ACADSB: variants seen among roughly 807,000 people sequenced by gnomAD.
ACADSB encodes the protein short/branched chain specific acyl-CoA dehydrogenase, mitochondrial.
ACADSB carries 40 observed loss-of-function variants against 54.1 expected under a neutral mutation model. That is an observed-to-expected ratio of 0.74 (90% CI 0.57 to 0.96). The LOEUF (loss-of-function observed/expected upper bound fraction) is 0.96. Ranked by LOEUF, ACADSB falls within the 40% of genes least tolerant of loss-of-function variation. The pLI, the probability that ACADSB is intolerant of heterozygous loss-of-function variation, is 0.00. For missense variants in ACADSB, 530 were observed against 510.4 expected, an observed-to-expected ratio of 1.04 and a Z score of -0.37; for synonymous variants, 182 against 182.8, an observed-to-expected ratio of 1.00 and a Z score of 0.03.
chr10:123,009,115 T>G (rs1307037605), intron 1 of ACADSB, 44 bp downstream of exon 1: 1 of 1,537,732 alleles, frequency 6.5e-7, no homozygotes, highest in Non-Finnish European at 8.7e-7. Flanking sequence ...CAGGGCGACC[T>G]TGGCCCCTGG....
rs997072618 is a variant in ACADSB, at chr10:123,050,070, G to A, written c.991-979G>A. On this transcript the variant is annotated intron_variant, in intron 8 of 10. Transcript: ENST00000358776. ...CGTCTCTTTTTGTACATACGAAATT[G>A]TTGTGTGTATCACATATTTCAGAAA... Among the ~76,000 whole-genome samples the A allele has an allele frequency of 1.7e-4, 26 of 152,276 alleles. 1 individual carries two copies. Among genetic ancestry groups the A allele is most frequent in the Admixed American group, 1.6e-3 (24 of 15,294 alleles).
At chr10:123,042,092 A>G (rs1850483024) in intron 5 of ACADSB, among the ~76,000 whole-genome samples, 2 of 151,316 alleles carry the variant, frequency 1.3e-5, no homozygotes, top group African/African-American at 2.4e-5. Context: ...CAGCCTCCCA[A>G]GTATATGAGA....
In ACADSB at chr10:123,052,978, T is replaced by A; in HGVS notation, c.1129-83T>A. 9.3e-7 allele frequency: 1 copy of A among 1,076,892 alleles called. No homozygotes were observed. The highest frequency in any genetic ancestry group is 2.4e-5 in the East Asian group (1 of 41,256). The allele number at this position is 1,076,892 out of a possible 1,614,324, so 66.7% of individuals were successfully genotyped here. A position where few individuals can be genotyped will look rare whatever the true frequency, so the allele number is the denominator to read the frequency against. On this transcript the variant is annotated intron_variant, in intron 9 of 10. Coordinates refer to ENST00000358776, the MANE Select transcript of ACADSB (RefSeq NM_001609.4). This position sits in a 1 kb window ranked among gnomAD's most constrained non-coding sequence, Gnocchi z 4.2. ...TCCAGTGCCACTAACAGTAAATCCA[T>A]GTTGCTGAAAATGTTACCCAGAAGT...
chr10:123,038,395 C>T (rs536254348), intron 3 of ACADSB, among the ~76,000 whole-genome samples: 1 of 152,186 alleles, frequency 6.6e-6, no homozygotes, highest in Non-Finnish European at 1.5e-5. Flanking sequence ...CCACATAAAC[C>T]GGGCAACAGA....
At chr10:123,048,930 G>A (rs776340826) in intron 8 of ACADSB, among the ~76,000 whole-genome samples, 4 of 152,026 alleles carry the variant, frequency 2.6e-5, no homozygotes, top group South Asian at 2.1e-4. Flanking sequence ...GGGTTTAACC[G>A]TGGTCTTGAT....
At chr10:123,009,787 C>G (rs1849987968) in intron 1 of ACADSB, among the ~76,000 whole-genome samples, 4 of 152,256 alleles carry the variant, frequency 2.6e-5, no homozygotes, top group Admixed American at 2.0e-4. Flanking sequence ...TTAACAGCCC[C>G]TGTGTTAACA....
intron 3 of ACADSB, among the ~76,000 whole-genome samples, chr10:123,039,019 A>G (rs1368494868): frequency 1.3e-5 from 2 of 152,042 alleles, no homozygotes; most frequent in Non-Finnish European, 2.9e-5. Flanking sequence ...GCACCCTGCT[A>G]CTCATCTCCA....
chr10:123,045,422 C>T lies in ACADSB; in HGVS notation c.900+937C>T, dbSNP rs906431293. Among the ~76,000 whole-genome samples, 9 of 151,632 alleles carry T rather than the reference C, an allele frequency of 5.9e-5. No homozygotes were observed. In the South Asian group the frequency reaches 1.9e-3, roughly 32 times the overall value. On this transcript the variant is annotated intron_variant, in intron 7 of 10. Coordinates refer to ENST00000358776, the MANE Select transcript of ACADSB (RefSeq NM_001609.4). Reference sequence around the variant, plus strand: ...GTCTCAATCTCCTGACCTCGTGATCCACCCGCCTCGGCCTCCCAAAGTGCT... The same window carrying T: ...GTCTCAATCTCCTGACCTCGTGATCTACCCGCCTCGGCCTCCCAAAGTGCT...
At chr10:123,012,919 C>T (rs189235066) in intron 1 of ACADSB, among the ~76,000 whole-genome samples, 159 of 152,290 alleles carry the variant, frequency 1.0e-3, no homozygotes, top group African/African-American at 3.7e-3. Flanking sequence ...TGACAGGGTG[C>T]TGATTGGTGC....
intron 8 of ACADSB, among the ~76,000 whole-genome samples, chr10:123,047,579 G>A (rs1210633364): frequency 6.6e-6 from 1 of 152,188 alleles, no homozygotes; most frequent in Non-Finnish European, 1.5e-5. Flanking sequence ...AGGGCAGGGG[G>A]TCTGGAGTCA....
In ACADSB at chr10:123,040,631, GAAC is replaced by G; in HGVS notation, c.472_474del (p.Gln158del). ...ACTGATTAGAAAACATGGAACAGAA[GAAC>G]AAAAGGCCACCTATTTGCCTCAGCT... On this transcript the variant is annotated inframe_deletion, in exon 4 of 11. Coordinates refer to ENST00000358776, the MANE Select transcript of ACADSB (RefSeq NM_001609.4). 1 of 1,614,080 alleles carries G rather than the reference GAAC, an allele frequency of 6.2e-7. No homozygotes were observed.
intron 3 of ACADSB, among the ~76,000 whole-genome samples, chr10:123,040,210 G>A (rs1196632421): frequency 6.6e-6 from 1 of 151,368 alleles, no homozygotes; most frequent in Non-Finnish European, 1.5e-5. Context: ...AATTAGCTGG[G>A]TGTGATGGTG....
At chr10:123,034,596 G>A in intron 2 of ACADSB, 81 bp downstream of exon 2, 6 of 1,475,310 alleles carry the variant, frequency 4.1e-6, no homozygotes, top group Non-Finnish European at 5.6e-6. Flanking sequence ...GCTCACTGCA[G>A]CCCCACCTCT....
chr10:123,036,541 A>C (rs1850401319), intron 2 of ACADSB, among the ~76,000 whole-genome samples: 1 of 152,200 alleles, frequency 6.6e-6, no homozygotes, highest in African/African-American at 2.4e-5. Context: ...AGTCTTATTT[A>C]TTTCTTTAGT....
chr10:123,028,426 A>T (rs1850282534), intron 1 of ACADSB, among the ~76,000 whole-genome samples: 1 of 152,234 alleles, frequency 6.6e-6, no homozygotes, highest in African/African-American at 2.4e-5. Context: ...GCACTTTGGG[A>T]AGCCAAGGCA....
chr10:123,045,980 A>G (rs559243316), intron 7 of ACADSB, among the ~76,000 whole-genome samples: 3 of 152,354 alleles, frequency 2.0e-5, no homozygotes, highest in South Asian at 2.1e-4. Context: ...GAGAGAATTC[A>G]GTTTTTCAGT....
intron 7 of ACADSB, among the ~76,000 whole-genome samples, chr10:123,046,842 T>A (rs1850566245): frequency 5.9e-5 from 9 of 152,230 alleles, no homozygotes. Flanking sequence ...TCAAGGCCAG[T>A]TCTGAGCAAA....
intron 1 of ACADSB, among the ~76,000 whole-genome samples, chr10:123,019,308 A>G (rs1488551529): frequency 2.0e-5 from 3 of 152,242 alleles, no homozygotes; most frequent in African/African-American, 7.2e-5. Context: ...AACCTAAATA[A>G]CAGAGAGAGG....
At chr10:123,020,056 A>G (rs529249314) in intron 1 of ACADSB, among the ~76,000 whole-genome samples, 1 of 152,284 alleles carries the variant, frequency 6.6e-6, no homozygotes, top group Non-Finnish European at 1.5e-5. Flanking sequence ...AAATTAAATA[A>G]CAAAAGACAG....
Sources: allele counts gnomAD v4.1 joint callset (sites outside exome capture counted in the v4.1 genomes callset), GRCh38; gene constraint gnomAD v4.1.1; non-coding constraint Gnocchi (gnomAD v3.1); transcripts MANE v1.5; gene names NCBI Gene and HGNC (gene_info 2026-07-23, HGNC 2026-07-21).